The following PLD1 variants were observed in gnomAD, a reference collection of about 807,000 sequenced individuals.
PLD1 encodes the protein choline phosphatase 1.
A neutral mutation model predicts 137.1 loss-of-function variants in PLD1; 112 were observed. The observed-to-expected ratio is 0.82, with a 90% CI of 0.70 to 0.96. PLD1 has a LOEUF of 0.96. Among genes scored for constraint, PLD1 ranks in the 40% least tolerant of loss-of-function variants. The probability of loss-of-function intolerance (pLI) is 0.00; values close to 1 mark genes in which losing one functional copy is unlikely to be tolerated. For missense variants in PLD1, 1,321 were observed against 1,342.0 expected (o/e 0.98, Z 0.24); for synonymous variants, 431 against 454.7 (o/e 0.95, Z 0.66).
At chr3:171,690,763 G>A (rs1715075573) in intron 13 of PLD1, among the ~76,000 whole-genome samples, 1 of 152,128 alleles carries the variant, frequency 6.6e-6, no homozygotes, top group Non-Finnish European at 1.5e-5. Context: ...GATGGTCCTG[G>A]AAAATGCCCC....
chr3:171,733,347 G>T, intron 6 of PLD1, 97 bp downstream of exon 6: 1 of 621,762 alleles, frequency 1.6e-6, no homozygotes, highest in Non-Finnish European at 2.9e-6. Flanking sequence ...TGTAGGTGTG[G>T]ATACAATCAC....
intron 16 of PLD1, among the ~76,000 whole-genome samples, chr3:171,678,355 A>G (rs1032602705): frequency 1.3e-5 from 2 of 152,242 alleles, no homozygotes; most frequent in African/African-American, 4.8e-5. Flanking sequence ...TAACATTTAT[A>G]TACTTCAAAT....
chr3:171,639,587 T>C (rs1329387408), intron 23 of PLD1, among the ~76,000 whole-genome samples: 1 of 98,036 alleles, frequency 1.0e-5, no homozygotes. Flanking sequence ...TATATTCATA[T>C]AATATATATT....
intron 25 of PLD1, chr3:171,611,644 G>A (rs1239150087): frequency 7.7e-6 from 4 of 518,820 alleles, no homozygotes; most frequent in Non-Finnish European, 1.5e-5. Context: ...CCTGAAAACA[G>A]AAGTTTCCAC....
chr3:171,710,263 G>A (rs6445016), intron 9 of PLD1, among the ~76,000 whole-genome samples: 48,184 of 151,632 alleles, frequency 0.32, 9,017 homozygotes, highest in African/African-American at 0.51. Flanking sequence ...GGGTTTCACC[G>A]TGTTAGCCAG....
chr3:171,714,081 T>A (rs774407593), intron 8 of PLD1, 36 bp from the exon 9 acceptor site: 15 of 1,365,492 alleles, frequency 1.1e-5, no homozygotes, highest in Non-Finnish European at 1.6e-5. Context: ...AAAAGTTGCA[T>A]TGAGTAAATA....
At chr3:171,725,990 T>A in intron 7 of PLD1, 28 bp downstream of exon 7, 1 of 1,511,364 alleles carries the variant, frequency 6.6e-7, no homozygotes, top group Non-Finnish European at 9.2e-7. Context: ...TTTTTCATAC[T>A]TCTCTTTTAA....
At chr3:171,726,340 A>G (rs1718505634) in intron 6 of PLD1, among the ~76,000 whole-genome samples, 1 of 151,886 alleles carries the variant, frequency 6.6e-6, no homozygotes, top group African/African-American at 2.4e-5. Context: ...AAGCTTGGAG[A>G]GAGAGAGAGA....
intron 1 of PLD1, among the ~76,000 whole-genome samples, chr3:171,751,499 CAGGTAACCCAT>C (rs1217704364): frequency 6.6e-6 from 1 of 152,154 alleles, no homozygotes; most frequent in Non-Finnish European, 1.5e-5. Flanking sequence ...GGGGCATATA[CAGGTAACCCAT>C]AGGAGATCAA....
At chr3:171,620,742 C>CTCTCTCTCTCTCTA (rs1473647659) in intron 23 of PLD1, among the ~76,000 whole-genome samples, 10 of 94,790 alleles carry the variant, frequency 1.1e-4, no homozygotes, top group Middle Eastern at 6.7e-3. Context: ...CTCTCTCTCT[C>CTCTCTCTCTCTCTA]TATATATATA....
At chr3:171,676,048 G>A (rs1177232100) in intron 18 of PLD1, among the ~76,000 whole-genome samples, 1 of 152,036 alleles carries the variant, frequency 6.6e-6, no homozygotes, top group African/African-American at 2.4e-5. Context: ...CACCATGTTG[G>A]TCAGGCTGGT....
chr3:171,639,848 C>CTCTCTCTCTATATA (rs3050415), intron 23 of PLD1, among the ~76,000 whole-genome samples: 91 of 110,184 alleles, frequency 8.3e-4, no homozygotes, highest in African/African-American at 3.4e-3. Context: ...CTCTCTCTCT[C>CTCTCTCTCTATATA]TATATATATA....
intron 18 of PLD1, among the ~76,000 whole-genome samples, chr3:171,675,905 T>G (rs1184490182): frequency 6.7e-6 from 1 of 148,818 alleles, no homozygotes; most frequent in Non-Finnish European, 1.5e-5. Context: ...TACAATGGAG[T>G]CCTCTCAGCT....
chr3:171,787,395 T>C (rs1056924480), intron 1 of PLD1, among the ~76,000 whole-genome samples: 1 of 152,230 alleles, frequency 6.6e-6, no homozygotes, highest in Non-Finnish European at 1.5e-5. Context: ...TACTTTCTCT[T>C]GGCAATGCCT....
chr3:171,800,977 T>C (rs1281189117), intron 1 of PLD1, among the ~76,000 whole-genome samples: 1 of 152,174 alleles, frequency 6.6e-6, no homozygotes, highest in Non-Finnish European at 1.5e-5. Flanking sequence ...AACATATGAA[T>C]TTGAGGAAGA....
chr3:171,733,922 A>G (rs1284414123), intron 5 of PLD1, among the ~76,000 whole-genome samples: 1 of 152,186 alleles, frequency 6.6e-6, no homozygotes, highest in Non-Finnish European at 1.5e-5. Flanking sequence ...TTCAGGAAAC[A>G]AAGGTGGAGA....
intron 16 of PLD1, among the ~76,000 whole-genome samples, chr3:171,685,116 AT>A (rs35881246): frequency 6.6e-5 from 10 of 151,560 alleles, no homozygotes; most frequent in East Asian, 5.8e-4. Context: ...AAACATTGTA[AT>A]TTTTTTTTGC....
rs1560212788 is a variant in PLD1 at position 171,683,645 on chromosome 3, A to G, written c.1867+3040T>C. ...TTTACAAAATAGTAACTCTTCTCCT[A>G]TGCTCTTCCTCCCGGATCATGCTCA... On this transcript the variant is annotated intron_variant, in intron 16 of 26. Transcript: ENST00000351298. Among the ~76,000 whole-genome samples the G allele has an allele frequency of 2.6e-5, 4 of 152,220 alleles. No individual in the cohort carries two copies. The South Asian group carries it at 6.2e-4, about 24-fold the overall frequency.
chr3:171,795,144 C>T (rs1560307354), intron 1 of PLD1, among the ~76,000 whole-genome samples: 1 of 152,174 alleles, frequency 6.6e-6, no homozygotes, highest in African/African-American at 2.4e-5. Context: ...CTTCTTATTC[C>T]TGCATTGCCA....
Sources: gnomAD v4.1 joint callset for allele counts (sites outside exome capture counted in the v4.1 genomes callset) on GRCh38, gnomAD v4.1.1 for gene constraint, MANE v1.5 for transcripts, NCBI Gene and HGNC (gene_info 2026-07-23, HGNC 2026-07-21) for gene names.